UGT2B4: variants seen among roughly 807,000 people sequenced by gnomAD.
UGT2B4 encodes the protein UDP glucuronosyltransferase family 2 member B4.
A neutral mutation model predicts 49.8 loss-of-function variants in UGT2B4; 49 were observed. The ratio of observed to expected loss-of-function variants is 0.98; its 90% CI spans 0.78 to 1.25. The LOEUF (loss-of-function observed/expected upper bound fraction) is 1.25, where lower values mean the gene tolerates loss of function less well. UGT2B4 is among the 50% of genes most tolerant of loss of function. The pLI, the probability that UGT2B4 is intolerant of heterozygous loss-of-function variation, is 0.00. For synonymous variants in UGT2B4, 246 were observed against 217.7 expected, an observed-to-expected ratio of 1.13 and a Z score of -1.14; for missense variants, 729 against 627.7, an observed-to-expected ratio of 1.16 and a Z score of -1.73.
chr4:69,498,472 A>G (rs1431399246), upstream of UGT2B4, among the ~76,000 whole-genome samples: 2 of 151,844 alleles, frequency 1.3e-5, no homozygotes, highest in East Asian at 3.9e-4. Context: ...ATGGAGAAAA[A>G]CAAGACAGCT....
chr4:69,487,857 A>G (rs1311397103), intron 3 of UGT2B4, among the ~76,000 whole-genome samples: 1 of 152,108 alleles, frequency 6.6e-6, no homozygotes, highest in Non-Finnish European at 1.5e-5. Flanking sequence ...TTTACTAATG[A>G]CCTATATGCT....
rs1379176608 is a variant in UGT2B4 at position 69,480,929 on chromosome 4, AG to A, written c.1311-20del. The A allele has an allele frequency of 6.2e-7, 1 of 1,609,886 alleles. No homozygotes were observed. The highest frequency in any genetic ancestry group is 1.7e-5 in the Admixed American group (1 of 59,762). On this transcript the variant is annotated intron_variant, in intron 5 of 5. Coordinates refer to ENST00000305107, the MANE Select transcript of UGT2B4 (RefSeq NM_021139.3). The stretch of plus-strand genomic sequence containing the variant: ...TTTATATCTAAACGATAAGCAGAAA[AG>A]TATCAACATTGAAAGTAAGTTAATT...
Position 69,493,726 on chromosome 4 carries a change from T to A in UGT2B4, c.837A>T (p.Gly279=). The A allele has an allele frequency of 1.2e-6, 2 of 1,609,698 alleles. No homozygotes were observed. The highest frequency in any genetic ancestry group is 1.7e-6 in the Non-Finnish European group (2 of 1,178,338). The part of the protein sequence containing the change: ...PLLPNVEFVG[G]LHCKPAKPLP... ...GGGGTTTGGCAGGTTTGCAGTGGAG[T>A]CCTCCAACGAACTCAACATTTGGTA... Residue 279 remains glycine (G), a synonymous_variant, in exon 2 of 6, where the codon GGA becomes GGT. Transcript: ENST00000305107.
intron 1 of UGT2B4, among the ~76,000 whole-genome samples, chr4:69,494,301 T>C (rs1024656905): frequency 6.6e-6 from 1 of 152,144 alleles, no homozygotes; most frequent in South Asian, 2.1e-4. Context: ...AGGTTAACTG[T>C]TGATTATTTT....
Position 69,485,500 on chromosome 4 carries a change from T to C in UGT2B4, c.1091-73A>G, listed in dbSNP as rs1014033929. 3.2e-6 allele frequency: 5 copies of C among 1,583,312 alleles called. No homozygotes were observed. The African/African-American group carries it at 6.8e-5, about 21-fold the overall frequency. On this transcript the variant is annotated intron_variant, in intron 4 of 5. Coordinates refer to ENST00000305107, the MANE Select transcript of UGT2B4 (RefSeq NM_021139.3). ...GAAATGCACAATGGAAGAATCTGAA[T>C]GTGACGGTGTTTCCTAGATAACACA...
chr4:69,502,093 CTT>C lies in UGT2B4; in HGVS notation c.-105-6129_-105-6128del, dbSNP rs1262259007. ...TTCTTTTCTTTCTTTCTTTCTCTCT[CTT>C]TCTTTCTTTCTTTCTTTCTTTCTTT... On this transcript the variant is annotated intron_variant, in intron 1 of 1. Transcript: ENST00000510114. Among the ~76,000 whole-genome samples the C allele has an allele frequency of 4.3e-4, 34 of 79,758 alleles. 1 individual carries two copies. The highest frequency in any genetic ancestry group is 1.9e-3 in the African/African-American group (32 of 17,204). The allele number at this position is 79,758 out of a possible 152,430, so 52.3% of individuals were successfully genotyped here. A position where few individuals can be genotyped will look rare whatever the true frequency, so the allele number is the denominator to read the frequency against.
chr4:69,483,777 T>C (rs866524687), intron 5 of UGT2B4, among the ~76,000 whole-genome samples: 3 of 152,140 alleles, frequency 2.0e-5, no homozygotes, highest in African/African-American at 7.2e-5. Context: ...TTCTTTGGAG[T>C]ATGAAAAAAT....
chr4:69,510,062 T>A lies in UGT2B4; in HGVS notation c.-105-14096A>T, dbSNP rs146766521. Among the ~76,000 whole-genome samples the A allele has an allele frequency of 6.0e-3, 912 of 152,262 alleles. 11 individuals carry two copies. Among genetic ancestry groups the A allele is most frequent in the African/African-American group, 0.021 (858 of 41,562 alleles). ...AATAGTAAGGATAAAATTTTATTTATCTTTTGTGGATATCCAGTGTTCATA... is the reference window on the plus strand; with the variant it reads ...AATAGTAAGGATAAAATTTTATTTAACTTTTGTGGATATCCAGTGTTCATA... On this transcript the variant is annotated intron_variant, in intron 1 of 1. Coordinates refer to the UGT2B4 transcript ENST00000510114.
In UGT2B4 at chr4:69,492,183, C is replaced by T. The variant is rs1494802; in HGVS notation, c.870+1510G>A. 3.9e-3 allele frequency among the ~76,000 whole-genome samples: 600 copies of T among 152,124 alleles called. 14 individuals are homozygous for T. The highest frequency in any genetic ancestry group is 0.033 in the Admixed American group (498 of 15,234). On this transcript the variant is annotated intron_variant, in intron 2 of 5. Transcript: ENST00000305107. ...CGTTGTTCATTTTTTCTGTGCTTCT[C>T]TCTCAGGCACTTATGATGTTGAGAC...
intron 2 of UGT2B4, 81 bp from the exon 3 acceptor site, chr4:69,489,651 G>A: frequency 6.6e-7 from 1 of 1,526,448 alleles, no homozygotes; most frequent in Non-Finnish European, 8.8e-7. Flanking sequence ...TAAAAAGAGA[G>A]AAAATCAAGT....
At chr4:69,485,108 T>C (rs1727732178) in intron 5 of UGT2B4, 100 bp downstream of exon 5, 2 of 1,399,106 alleles carry the variant, frequency 1.4e-6, no homozygotes, top group East Asian at 4.6e-5. Flanking sequence ...CTTAAATTCT[T>C]TCGAAATCAG....
chr4:69,507,119 T>C (rs1326655613), intron 1 of UGT2B4, among the ~76,000 whole-genome samples: 1 of 152,170 alleles, frequency 6.6e-6, no homozygotes, highest in African/African-American at 2.4e-5. Context: ...GTCAACATCA[T>C]ACTGAATGGG....
At chr4:69,501,127 G>A (rs551106010) in intron 1 of UGT2B4, among the ~76,000 whole-genome samples, 17 of 152,216 alleles carry the variant, frequency 1.1e-4, no homozygotes, top group African/African-American at 3.4e-4. Flanking sequence ...TGTGCCTACC[G>A]GGGATGGAGC....
chr4:69,501,237 T>A (rs920211860), intron 1 of UGT2B4, among the ~76,000 whole-genome samples: 2 of 129,286 alleles, frequency 1.5e-5, no homozygotes, highest in African/African-American at 5.9e-5. Flanking sequence ...AGAGTCCAGA[T>A]GAACTGGGCC....
intron 1 of UGT2B4, among the ~76,000 whole-genome samples, chr4:69,512,288 C>T (rs1728623937): frequency 6.6e-6 from 1 of 151,970 alleles, no homozygotes; most frequent in Non-Finnish European, 1.5e-5. Flanking sequence ...CTACTATAAA[C>T]TTCCCTCTTA....
chr4:69,488,146 T>C (rs1727849981), intron 3 of UGT2B4, among the ~76,000 whole-genome samples: 1 of 152,190 alleles, frequency 6.6e-6, no homozygotes, highest in South Asian at 2.1e-4. Context: ...TTGACACAAA[T>C]TCAGAGTATT....
intron 1 of UGT2B4, among the ~76,000 whole-genome samples, chr4:69,512,440 A>C (rs1482698241): frequency 6.6e-6 from 1 of 151,824 alleles, no homozygotes; most frequent in African/African-American, 2.4e-5. Flanking sequence ...TTTTTATGTA[A>C]GTTTGACTAT....
At chr4:69,513,497 T>C (rs1674319096) in intron 1 of UGT2B4, among the ~76,000 whole-genome samples, 1 of 152,198 alleles carries the variant, frequency 6.6e-6, no homozygotes, top group Non-Finnish European at 1.5e-5. Flanking sequence ...CCTTGTAGTA[T>C]AGTTTGAAGT....
At chr4:69,514,406 G>C (rs1447887438) in intron 1 of UGT2B4, among the ~76,000 whole-genome samples, 2 of 152,100 alleles carry the variant, frequency 1.3e-5, no homozygotes, top group African/African-American at 4.8e-5. Context: ...ATTATGTCAT[G>C]TGCAAATATG....
Sources: gnomAD v4.1 joint callset for allele counts (sites outside exome capture counted in the v4.1 genomes callset) on GRCh38, gnomAD v4.1.1 for gene constraint, MANE v1.5 for transcripts, NCBI Gene and HGNC (gene_info 2026-07-23, HGNC 2026-07-21) for gene names.